Variants in ACSF3 observed in about 807,000 individuals in gnomAD.
ACSF3 encodes malonate--CoA ligase ACSF3, mitochondrial.
ACSF3 carries 78 observed loss-of-function variants against 53.2 expected under a neutral mutation model. The observed-to-expected ratio is 1.47, with a 90% confidence interval of 1.22 to 1.77. ACSF3 has a LOEUF of 1.77. Among genes scored for constraint, ACSF3 ranks in the 40% most tolerant of loss-of-function variants. The pLI is 0.00. For missense variants in ACSF3, 937 were observed against 771.1 expected, an observed-to-expected ratio of 1.22 and a Z score of -2.55; for synonymous variants, 414 against 333.1, an observed-to-expected ratio of 1.24 and a Z score of -2.65.
At chr16:89,119,108 G>A (rs922117810) in intron 6 of ACSF3, among the ~76,000 whole-genome samples, 4 of 152,204 alleles carry the variant, frequency 2.6e-5, no homozygotes, top group South Asian at 2.1e-4. Context: ...TCTCACGGGC[G>A]GCACCTGGAG....
At chr16:89,123,012 C>A (rs1907033781) in intron 7 of ACSF3, among the ~76,000 whole-genome samples, 1 of 152,230 alleles carries the variant, frequency 6.6e-6, no homozygotes, top group Non-Finnish European at 1.5e-5. Flanking sequence ...CAGGCAGACC[C>A]TGCAAGGTGA....
Position 89,098,693 on chromosome 16 carries a change from A to T in ACSF3, c.-91A>T, listed in dbSNP as rs1452332308. Reference sequence around the variant, plus strand: ...CCTTATCGTGCCCTTCCACCTGCTGAAGCAGCTGTGCCTGCCGCTCTTGTG... The same window carrying T: ...CCTTATCGTGCCCTTCCACCTGCTGTAGCAGCTGTGCCTGCCGCTCTTGTG... On this transcript the variant is annotated 5_prime_UTR_variant, in exon 2 of 11. An upstream open reading frame in the 5' UTR loses its in-frame stop. Coordinates refer to ENST00000614302, the MANE Select transcript of ACSF3 (RefSeq NM_001243279.3). The T allele has an allele frequency of 2.2e-6, 1 of 454,094 alleles. No homozygotes were observed. The highest frequency in any genetic ancestry group is 4.4e-6 in the Non-Finnish European group (1 of 226,784). 28.1% of individuals were successfully genotyped at this position (454,094 alleles called of 1,614,324 possible).
At chr16:89,139,731 A>G (rs1175121257) in intron 8 of ACSF3, among the ~76,000 whole-genome samples, 5 of 150,894 alleles carry the variant, frequency 3.3e-5, no homozygotes, top group Non-Finnish European at 7.4e-5. Context: ...AGTAGCTGGG[A>G]TTACAGGCGC....
intron 8 of ACSF3, among the ~76,000 whole-genome samples, chr16:89,133,548 C>T (rs567334359): frequency 3.9e-5 from 6 of 152,200 alleles, no homozygotes; most frequent in African/African-American, 1.2e-4. Flanking sequence ...ACAGCCGCTC[C>T]GGCACGCACG....
Position 89,112,249 on chromosome 16 carries a change from A to G in ACSF3, c.977+3A>G. ...GCAGTTTGTGAAGAAAAAATTAGGT[A>G]AGTGAAAAGAGCCCACTTTCTCGTT... On this transcript the variant is annotated splice_donor_region_variant and intron_variant, in intron 5 of 10. Coordinates refer to ENST00000614302, the MANE Select transcript of ACSF3 (RefSeq NM_001243279.3). 1.2e-6 allele frequency: 2 copies of G among 1,614,086 alleles called. No homozygotes were observed. The highest frequency in any genetic ancestry group is 1.7e-6 in the Non-Finnish European group (2 of 1,179,982).
At chr16:89,142,304 G>A (rs1461960974) in intron 8 of ACSF3, among the ~76,000 whole-genome samples, 3 of 152,162 alleles carry the variant, frequency 2.0e-5, no homozygotes, top group Admixed American at 6.5e-5. Context: ...AGGCAGCCAG[G>A]CCCAGGCAGG....
chr16:89,101,419 A>T, intron 3 of ACSF3, 72 bp downstream of exon 3: 2 of 1,546,456 alleles, frequency 1.3e-6, no homozygotes, highest in Non-Finnish European at 1.7e-6. Context: ...GGCCAGAAGC[A>T]CATCTTTTCA....
At chr16:89,115,036 C>T (rs138923969) in intron 6 of ACSF3, 7 of 231,224 alleles carry the variant, frequency 3.0e-5, no homozygotes, top group African/African-American at 1.4e-4. Context: ...CTGACCCAAC[C>T]ATTTGAGCCC....
At chr16:89,105,397 G>A (rs1383372715) in intron 4 of ACSF3, among the ~76,000 whole-genome samples, 1 of 152,182 alleles carries the variant, frequency 6.6e-6, no homozygotes, top group South Asian at 2.1e-4. Context: ...CTTGGTGAAC[G>A]TCTGCTGAGT....
chr16:89,109,915 A>T (rs907989348), intron 4 of ACSF3, among the ~76,000 whole-genome samples: 2 of 152,112 alleles, frequency 1.3e-5, no homozygotes, highest in South Asian at 4.1e-4. Context: ...TTGCATCCGT[A>T]TGTAATCTTT....
intron 4 of ACSF3, among the ~76,000 whole-genome samples, chr16:89,104,880 T>C (rs796400275): frequency 1.6e-4 from 24 of 152,360 alleles, no homozygotes; most frequent in African/African-American, 5.8e-4. Flanking sequence ...TGAGCCTGTT[T>C]CTTCACAGAT....
At chr16:89,125,030 G>A (rs1384665843) in intron 7 of ACSF3, among the ~76,000 whole-genome samples, 1 of 152,104 alleles carries the variant, frequency 6.6e-6, no homozygotes, top group Admixed American at 6.5e-5. Context: ...AGTTGTTTTG[G>A]TGCACATATT....
chr16:89,106,244 C>T (rs1364709499), intron 4 of ACSF3, among the ~76,000 whole-genome samples: 1 of 152,142 alleles, frequency 6.6e-6, no homozygotes, highest in Non-Finnish European at 1.5e-5. Context: ...AGACCTTCAC[C>T]GTTTTTGACA....
chr16:89,150,959 C>T, intron 10 of ACSF3: 3 of 1,277,746 alleles, frequency 2.3e-6, no homozygotes, highest in Non-Finnish European at 3.1e-6. Flanking sequence ...ATGGGAGTTC[C>T]AACAAGAAGA....
At chr16:89,095,205 A>T (rs1974471627) in intron 1 of ACSF3, 1 of 152,234 alleles carries the variant, frequency 6.6e-6, no homozygotes, top group East Asian at 1.9e-4. Context: ...GTGTTGGAGG[A>T]CATAAGATGA....
In ACSF3 at chr16:89,141,099, TTC is replaced by T. The variant is rs765205790; in HGVS notation, c.1367-4166_1367-4165del. 565 of 1,286,902 alleles carry T rather than the reference TTC, an allele frequency of 4.4e-4. 2 individuals carry two copies. Among genetic ancestry groups the T allele is most frequent in the Middle Eastern group, 6.5e-4 (2 of 3,064 alleles). The allele number at this position is 1,286,902 out of a possible 1,614,324, so 79.7% of individuals were successfully genotyped here. A position where few individuals can be genotyped will look rare whatever the true frequency, so the allele number is the denominator to read the frequency against. ...AAGTTGCCCTGGAGCCCTCTGAACC[TTC>T]TGAGTCGCCCTCGCTGCCGCAGGAC... is the stretch of plus-strand genomic sequence containing the variant. On this transcript the variant is annotated intron_variant, in intron 8 of 10. Transcript: ENST00000614302.
chr16:89,135,805 C>T (rs551244935), intron 8 of ACSF3, among the ~76,000 whole-genome samples: 3 of 152,380 alleles, frequency 2.0e-5, no homozygotes, highest in East Asian at 1.9e-4. Context: ...GACGGAGTCT[C>T]GCTCTGTCGC....
intron 7 of ACSF3, among the ~76,000 whole-genome samples, chr16:89,121,643 T>G (rs1037469131): frequency 6.6e-6 from 1 of 152,214 alleles, no homozygotes; most frequent in African/African-American, 2.4e-5. Context: ...CATGATTGAC[T>G]GTGTTGCCCT....
In ACSF3 at chr16:89,155,610, C is replaced by T. The variant is rs1167880648; in HGVS notation, c.*1403C>T. The stretch of plus-strand genomic sequence containing the variant: ...CCGGGAACAGTCAGAGGAAGGGGTC[C>T]CGCCCTCCCGCCAGAGGCCTGGACC... On this transcript the variant is annotated 3_prime_UTR_variant, in exon 11 of 11. Coordinates refer to ENST00000614302, the MANE Select transcript of ACSF3 (RefSeq NM_001243279.3). 1 of 453,988 alleles carries T rather than the reference C, an allele frequency of 2.2e-6. No homozygotes were observed. Among genetic ancestry groups the T allele is most frequent in the Admixed American group, 2.3e-5 (1 of 42,574 alleles). The allele number at this position is 453,988 out of a possible 1,614,324, so 28.1% of individuals were successfully genotyped here.
Sources: gnomAD v4.1 joint callset for allele counts (sites outside exome capture counted in the v4.1 genomes callset) on GRCh38, gnomAD v4.1.1 for gene constraint, MANE v1.5 for transcripts, NCBI Gene and HGNC (gene_info 2026-07-23, HGNC 2026-07-21) for gene names.